The following PLXNA3 variants were observed in gnomAD, a reference collection of about 807,000 sequenced individuals.
PLXNA3 encodes the protein plexin A3.
Under a neutral mutation model 118.8 loss-of-function variants are expected in PLXNA3, and 52 were observed. The ratio of observed to expected loss-of-function variants is 0.44; its 90% CI spans 0.35 to 0.55. PLXNA3 has a LOEUF of 0.55. Among genes scored for constraint, PLXNA3 ranks in the 20% least tolerant of loss-of-function variants. PLXNA3 has a pLI of 0.01. For missense variants in PLXNA3, 1,660 were observed against 1,730.8 expected (o/e 0.96, Z 0.73); for synonymous variants, 925 against 762.4 (o/e 1.21, Z -3.51).
rs143996759 is a variant in PLXNA3 at position 154,468,468 on chromosome X, G to A, written c.4129G>A (p.Asp1377Asn). The A allele has an allele frequency of 1.9e-5, 23 of 1,210,191 alleles. No homozygotes were observed. Among genetic ancestry groups the A allele is most frequent in the Non-Finnish European group, 2.5e-5 (22 of 895,362 alleles). The change falls in exon 23 of 33, where the codon GAC becomes AAC. Residue 1377 changes from aspartate (D) to asparagine (N), a missense_variant. Around this residue, in one of 2 missense-constraint regions of PLXNA3, gnomAD observed 869 missense variants for 1,078.7 expected, o/e 0.81. Coordinates refer to ENST00000369682, the MANE Select transcript of PLXNA3 (RefSeq NM_017514.5). Reference protein sequence around the residue: ...LTMVALQSRLDYATGLLKQLL... With the variant: ...LTMVALQSRLNYATGLLKQLL... ...CATGGTGGCCCTGCAGAGCCGGCTCGACTATGCCACGGGGCTGCTCAAGCA... is the reference window on the plus strand; with the variant it reads ...CATGGTGGCCCTGCAGAGCCGGCTCAACTATGCCACGGGGCTGCTCAAGCA...
At position 154,471,282 on chromosome X, in the gene PLXNA3, C is replaced by G; in HGVS notation, c.5334C>G (p.Ala1778=). 2 of 1,211,597 alleles carry G rather than the reference C, an allele frequency of 1.7e-6. No homozygotes were observed. Among genetic ancestry groups the G allele is most frequent in the South Asian group, 3.5e-5 (2 of 56,969 alleles). The change falls in exon 31 of 33, where the codon GCC becomes GCG. Residue 1778 remains alanine, a synonymous_variant. Transcript: ENST00000369682. ...KDSPSNKLLY[A]KDIPNYKSWV... ...CGCCCTCCAACAAACTGCTCTACGCCAAGGACATCCCCAACTACAAGAGCT... is the reference window on the plus strand; with the variant it reads ...CGCCCTCCAACAAACTGCTCTACGCGAAGGACATCCCCAACTACAAGAGCT...
rs1420373250 is a variant in PLXNA3, at chrX:154,468,419, C to T, written c.4080C>T (p.Asp1360=). 9 of 1,210,027 alleles carry T rather than the reference C, an allele frequency of 7.4e-6. No individual in the cohort carries two copies. The highest frequency in any genetic ancestry group is 1.0e-5 in the Non-Finnish European group (9 of 895,293). ...CCCAGAGCAGCTTCTCCATGCGCGA[C>T]CGCGGCACCGTGGCCTCGCTCACCA... ...LEAQSSFSMR[D]RGTVASLTMV... The change falls in exon 23 of 33, where the codon GAC becomes GAT. Residue 1360 remains aspartate (D), a synonymous_variant. Transcript: ENST00000369682.
At position 154,464,322 on chromosome X, in the gene PLXNA3, G is replaced by A; in HGVS notation, c.1828+9G>A. Reference sequence around the variant, plus strand: ...TCTTACCAGGGGGCATGGTCAGTGGGTTGGGGCTGCCCAGGATGGGGCAGA... The same window carrying A: ...TCTTACCAGGGGGCATGGTCAGTGGATTGGGGCTGCCCAGGATGGGGCAGA... On this transcript the variant is annotated intron_variant, in intron 8 of 32. Coordinates refer to ENST00000369682, the MANE Select transcript of PLXNA3 (RefSeq NM_017514.5). 8.3e-6 allele frequency: 10 copies of A among 1,205,871 alleles called. No individual in the cohort carries two copies. Among genetic ancestry groups the A allele is most frequent in the Non-Finnish European group, 1.1e-5 (10 of 893,355 alleles).
In PLXNA3 at chrX:154,462,785, T is replaced by A. The variant is rs139787270; in HGVS notation, c.1317+475T>A. On this transcript the variant is annotated intron_variant, in intron 4 of 32. Coordinates refer to ENST00000369682, the MANE Select transcript of PLXNA3 (RefSeq NM_017514.5). Reference sequence around the variant, plus strand: ...GGGCTGAAGCTGCTTCCATTGGGGATCTGGGGGTAGCTTGGCATGAAGGGG... The same window carrying A: ...GGGCTGAAGCTGCTTCCATTGGGGAACTGGGGGTAGCTTGGCATGAAGGGG... Among the ~76,000 whole-genome samples the A allele has an allele frequency of 7.0e-3, 777 of 110,483 alleles. 2 individuals carry two copies. The highest frequency in any genetic ancestry group is 0.012 in the Non-Finnish European group (611 of 52,678).
At chrX:154,463,239 C>T (rs1340283536) in intron 4 of PLXNA3, 152 bp from the exon 5 acceptor site, 2 of 735,085 alleles carry the variant, frequency 2.7e-6, no homozygotes. Context: ...TCTGCACCCT[C>T]CTTTTTTTGG....
chrX:154,464,120 G>T, intron 7 of PLXNA3, 37 bp from the exon 8 acceptor site: 1 of 1,209,072 alleles, frequency 8.3e-7, no homozygotes, highest in Non-Finnish European at 1.1e-6. Flanking sequence ...ATGTGTGCTG[G>T]GAGTCCGCCC....
chrX:154,469,428 C>T lies in PLXNA3; in HGVS notation c.4644C>T (p.Val1548=), dbSNP rs2069147714. Residue 1548 remains valine (V), a synonymous_variant, in exon 27 of 33, where the codon GTC becomes GTT. Transcript: ENST00000369682. ...GCATCATCCTCCAGGATGAGGATGT[C>T]ACCACCAAGATCGAGTGTGACTGGA... ...MTRIILQDED[V]TTKIECDWKR... 3 of 1,208,879 alleles carry T rather than the reference C, an allele frequency of 2.5e-6. No homozygotes were observed. Among genetic ancestry groups the T allele is most frequent in the African/African-American group, 1.7e-5 (1 of 57,430 alleles).
chrX:154,461,667 C>G (rs1274487449), intron 3 of PLXNA3, 29 bp downstream of exon 3: 1 of 1,144,952 alleles, frequency 8.7e-7, no homozygotes, highest in Admixed American at 2.3e-5. Context: ...CACACTGGTC[C>G]TCTGCCCTGT....
In PLXNA3 at chrX:154,474,090, C is replaced by G. The variant is rs1282092844; in HGVS notation, c.*1405C>G. On this transcript the variant is annotated 3_prime_UTR_variant, in exon 33 of 33. Transcript: ENST00000369682. Reference sequence around the variant, plus strand: ...GTGGCACCCATCATGGTGCACCTACCAAAGTCTTACTCCCAGGCCTGTTAA... The same window carrying G: ...GTGGCACCCATCATGGTGCACCTACGAAAGTCTTACTCCCAGGCCTGTTAA... The G allele has an allele frequency of 1.8e-5, 2 of 111,915 alleles. No homozygotes were observed. Among genetic ancestry groups the G allele is most frequent in the Non-Finnish European group, 3.8e-5 (2 of 53,196 alleles). 9.2% of individuals were successfully genotyped at this position (111,915 alleles called of 1,213,427 possible). A position where few individuals can be genotyped will look rare whatever the true frequency, so the allele number is the denominator to read the frequency against.
intron 8 of PLXNA3, 42 bp downstream of exon 8, chrX:154,464,355 C>T (rs782180917): frequency 1.4e-5 from 17 of 1,200,238 alleles, no homozygotes; most frequent in Non-Finnish European, 1.9e-5. Flanking sequence ...AGAGTGGGGC[C>T]TCTCCCTACC....
chrX:154,461,445 A>C lies in PLXNA3; in HGVS notation c.941A>C (p.Glu314Ala), dbSNP rs782339011. Residue 314 changes from glutamate (E) to alanine (A), a missense_variant, in exon 3 of 33, where the codon GAG becomes GCG. Transcript: ENST00000369682. ...LAQALGVPAD[E>A]DVLFTIFSQG... is the part of the protein sequence containing the mutation. ...CAGGCCCTGGGCGTGCCGGCTGATG[A>C]GGACGTCCTCTTCACCATCTTCTCT... 1.7e-6 allele frequency: 2 copies of C among 1,211,173 alleles called. No homozygotes were observed. The highest frequency in any genetic ancestry group is 3.5e-5 in the African/African-American group (2 of 57,807).
At chrX:154,460,116 T>C in intron 1 of PLXNA3, 41 bp from the exon 2 acceptor site, 1 of 754,821 alleles carries the variant, frequency 1.3e-6, no homozygotes, top group Non-Finnish European at 2.0e-6. Flanking sequence ...CAGCCCTCTG[T>C]GGCTCGAGGC....
intron 11 of PLXNA3, 72 bp downstream of exon 11, chrX:154,465,290 C>T: frequency 9.4e-7 from 1 of 1,068,224 alleles, no homozygotes; most frequent in Non-Finnish European, 1.3e-6. Flanking sequence ...TGTCTATGCC[C>T]AGCTCTCTGG....
Position 154,467,567 on chromosome X carries a change from C to T in PLXNA3, c.3464C>T (p.Ala1155Val). ...CAGGGCAAGAACCTGATTCCCGCTG[C>T]AGCCGGCAGCTCCCGCCTCAACTAC... ...VLKGKNLIPA[A>V]AGSSRLNYTV... The change falls in exon 20 of 33, where the codon GCA (alanine) becomes GTA (valine). Residue 1155 changes from alanine to valine, a missense_variant. Coordinates refer to ENST00000369682, the MANE Select transcript of PLXNA3 (RefSeq NM_017514.5). 4 of 1,191,599 alleles carry T rather than the reference C, an allele frequency of 3.4e-6. No individual in the cohort carries two copies. Among genetic ancestry groups the T allele is most frequent in the Admixed American group, 2.3e-5 (1 of 43,186 alleles).
In PLXNA3 at chrX:154,460,469, A is replaced by G; in HGVS notation, c.286A>G (p.Ile96Val). Residue 96 changes from isoleucine (I) to valine (V), a missense_variant, in exon 2 of 33, where the codon ATC (isoleucine) becomes GTC (valine). By Grantham distance (29) the Ile-to-Val change is conservative. Transcript: ENST00000369682. Reference sequence around the variant, plus strand: ...CCACCGCCTGGCCCCCGTGGACAACATCAACAAGCTGCTGCTCATAGACTA... The same window carrying G: ...CCACCGCCTGGCCCCCGTGGACAACGTCAACAAGCTGCTGCTCATAGACTA... The part of the protein sequence containing the change: ...CAHRLAPVDN[I>V]NKLLLIDYAA... The G allele has an allele frequency of 8.3e-7, 1 of 1,206,546 alleles. No homozygotes were observed. The highest frequency in any genetic ancestry group is 1.1e-6 in the Non-Finnish European group (1 of 892,237).
At position 154,461,056 on chromosome X, in the gene PLXNA3, C is replaced by G. The variant is rs1557203950; in HGVS notation, c.595-43C>G. The G allele has an allele frequency of 5.5e-6, 6 of 1,095,350 alleles. No individual in the cohort carries two copies. The Admixed American group carries it at 1.4e-4, about 26-fold the overall frequency. The allele number at this position is 1,095,350 out of a possible 1,213,427, so 90.3% of individuals were successfully genotyped here. ...AGCTGGCGGTGGCCCGTGATGTTGG[C>G]ACAGGGCCTCACCGGATGCTGTCTC... On this transcript the variant is annotated intron_variant, in intron 2 of 32. Coordinates refer to ENST00000369682, the MANE Select transcript of PLXNA3 (RefSeq NM_017514.5).
At chrX:154,461,875 G>A (rs375577140) in intron 3 of PLXNA3, among the ~76,000 whole-genome samples, 34 of 111,896 alleles carry the variant, frequency 3.0e-4, no homozygotes, top group East Asian at 2.8e-3. Flanking sequence ...TCCTTGCTCC[G>A]TCTCCCGGTT....
rs1052693941 is a variant in PLXNA3 at position 154,467,978 on chromosome X, G to A, written c.3797G>A (p.Arg1266His). 14 of 1,209,821 alleles carry A rather than the reference G, an allele frequency of 1.2e-5. No individual in the cohort carries two copies. The highest frequency in any genetic ancestry group is 1.6e-5 in the Non-Finnish European group (14 of 894,125). The stretch of plus-strand genomic sequence containing the variant: ...CTGCAGATGGACAACCTGGAGTCCC[G>A]TGTGGCCCTGGAGTGCAAGGAAGGT... ...LQLQMDNLES[R>H]VALECKEAFA... Residue 1266 changes from arginine (R) to histidine (H), a missense_variant, in exon 21 of 33, where the codon CGT (arginine) becomes CAT (histidine). By Grantham distance (29) the Arg-to-His change is conservative. This residue lies in a region of PLXNA3 where 869 missense variants were observed against 1,078.7 expected (regional missense o/e 0.81). Coordinates refer to ENST00000369682, the MANE Select transcript of PLXNA3 (RefSeq NM_017514.5).
At position 154,471,209 on chromosome X, in the gene PLXNA3, C is replaced by G; in HGVS notation, c.5261C>G (p.Thr1754Ser). 8.3e-7 allele frequency: 1 copy of G among 1,210,810 alleles called. No homozygotes were observed. Among genetic ancestry groups the G allele is most frequent in the Non-Finnish European group, 1.1e-6 (1 of 894,413 alleles). ...GCCTGCCTGTCGGTGGTAGCCCAGA[C>G]CTTCATGGACTCCTGCTCTACATCC... ...TDACLSVVAQ[T>S]FMDSCSTSEH... The change falls in exon 31 of 33, where the codon ACC (threonine) becomes AGC (serine). Residue 1754 changes from threonine (T) to serine (S), a missense_variant. Physicochemically the swap from Thr to Ser is moderately conservative, Grantham distance 58 (BLOSUM62 1). Coordinates refer to ENST00000369682, the MANE Select transcript of PLXNA3 (RefSeq NM_017514.5).
Sources: allele counts gnomAD v4.1 joint callset (sites outside exome capture counted in the v4.1 genomes callset), GRCh38; gene constraint gnomAD v4.1.1; regional missense constraint gnomAD v4.1.1; transcripts MANE v1.5; gene names NCBI Gene and HGNC (gene_info 2026-07-23, HGNC 2026-07-21).